Variants in RSU1 observed in about 807,000 individuals in gnomAD.
The protein encoded by RSU1 is Ras suppressor protein 1, also known as rsu-1.
In RSU1, 26 loss-of-function variants were observed where a neutral mutation model predicts 31.1. That is an observed-to-expected ratio of 0.84 (90% confidence interval 0.61 to 1.16). The LOEUF is 1.16. Among genes scored for constraint, RSU1 ranks in the 50% most tolerant of loss-of-function variants. The probability of loss-of-function intolerance (pLI) is 0.00; values close to 1 mark genes in which losing one functional copy is unlikely to be tolerated. For missense variants in RSU1, 320 were observed against 339.1 expected (o/e 0.94, Z 0.44); for synonymous variants, 164 against 136.3 (o/e 1.20, Z -1.41).
At chr10:16,647,164 G>A (rs970088170) in intron 8 of RSU1, among the ~76,000 whole-genome samples, 3 of 152,040 alleles carry the variant, frequency 2.0e-5, no homozygotes, top group Non-Finnish European at 2.9e-5. Flanking sequence ...AGTAGAGATG[G>A]AGTTTCACCA....
intron 5 of RSU1, 126 bp from the exon 6 acceptor site, chr10:16,753,126 G>A: frequency 1.5e-6 from 1 of 646,668 alleles, no homozygotes; most frequent in Non-Finnish European, 2.7e-6. Flanking sequence ...GACATACCTA[G>A]GGCTCCCAAT....
At chr10:16,607,346 C>A (rs1419834752) in intron 8 of RSU1, among the ~76,000 whole-genome samples, 3 of 152,144 alleles carry the variant, frequency 2.0e-5, no homozygotes, top group Non-Finnish European at 4.4e-5. Context: ...TCAGGTATGT[C>A]TTTATAGCAG....
At chr10:16,683,216 G>A (rs1476319736) in intron 8 of RSU1, among the ~76,000 whole-genome samples, 2 of 141,410 alleles carry the variant, frequency 1.4e-5, no homozygotes, top group Non-Finnish European at 1.6e-5. Context: ...GACTTGGAGA[G>A]CCATTTAAAC....
intron 8 of RSU1, among the ~76,000 whole-genome samples, chr10:16,662,129 T>G (rs1446523380): frequency 1.3e-5 from 2 of 152,246 alleles, no homozygotes; most frequent in East Asian, 3.8e-4. Context: ...AGACTGCAAT[T>G]ATAGCTTTTC....
At chr10:16,723,868 G>A (rs1836331304) in intron 7 of RSU1, among the ~76,000 whole-genome samples, 1 of 152,204 alleles carries the variant, frequency 6.6e-6, no homozygotes, top group African/African-American at 2.4e-5. Flanking sequence ...TATTCACCAT[G>A]TTAGTAATCC....
intron 7 of RSU1, chr10:16,722,974 A>G (rs1460993759): frequency 6.6e-6 from 1 of 150,688 alleles, no homozygotes; most frequent in Non-Finnish European, 1.5e-5. Context: ...ACATATATGT[A>G]TATATACACA....
intron 8 of RSU1, among the ~76,000 whole-genome samples, chr10:16,618,802 G>A (rs559375922): frequency 6.6e-6 from 1 of 152,230 alleles, no homozygotes; most frequent in African/African-American, 2.4e-5. Flanking sequence ...CACAGGGAGG[G>A]GAACTCACAC....
chr10:16,791,023 G>A (rs1481828467), intron 2 of RSU1, among the ~76,000 whole-genome samples: 1 of 152,148 alleles, frequency 6.6e-6, no homozygotes, highest in Non-Finnish European at 1.5e-5. Context: ...TAACATGGAA[G>A]GAGTGGTCAG....
At chr10:16,610,814 ACTGGTGC>A (rs1371917531) in intron 8 of RSU1, among the ~76,000 whole-genome samples, 1 of 152,152 alleles carries the variant, frequency 6.6e-6, no homozygotes, top group Non-Finnish European at 1.5e-5. Context: ...CTTCTACAAA[ACTGGTGC>A]CTGGTGCCAA....
At chr10:16,724,362 T>C (rs1321291636) in intron 7 of RSU1, among the ~76,000 whole-genome samples, 1 of 152,212 alleles carries the variant, frequency 6.6e-6, no homozygotes, top group African/African-American at 2.4e-5. Flanking sequence ...TAAATGGTTA[T>C]TACTCCAACA....
intron 8 of RSU1, among the ~76,000 whole-genome samples, chr10:16,595,371 G>A (rs552880634): frequency 2.6e-4 from 40 of 152,288 alleles, no homozygotes; most frequent in African/African-American, 9.1e-4. Context: ...AGTCTTCCAA[G>A]TGTTGCCTTG....
rs760320623 is a variant in RSU1 at position 16,764,555 on chromosome 10, C to T, written c.161-45G>A. On this transcript the variant is annotated intron_variant, in intron 3 of 8. Coordinates refer to ENST00000345264, the MANE Select transcript of RSU1 (RefSeq NM_012425.4). ...GAGTGTGAATCTGGGAATGGAACTC[C>T]TAGCAAGGGATGGCAGCGGCACATT... 1.9e-6 allele frequency: 3 copies of T among 1,586,482 alleles called. No individual in the cohort carries two copies. The South Asian group carries it at 3.4e-5, about 18-fold the overall frequency.
chr10:16,807,168 G>A (rs867295051), intron 2 of RSU1, among the ~76,000 whole-genome samples: 3 of 152,150 alleles, frequency 2.0e-5, no homozygotes, highest in Admixed American at 6.5e-5. Flanking sequence ...ACCGTTCTCC[G>A]GTCTGCACTG....
intron 7 of RSU1, among the ~76,000 whole-genome samples, chr10:16,731,429 C>CAAA (rs61458512): frequency 2.1e-5 from 2 of 95,540 alleles, no homozygotes; most frequent in African/African-American, 6.5e-5. Context: ...CACTCCGTCT[C>CAAA]AAAAAAAAAA....
chr10:16,807,172 T>C (rs1179229042), intron 2 of RSU1, among the ~76,000 whole-genome samples: 4 of 152,256 alleles, frequency 2.6e-5, no homozygotes, highest in African/African-American at 9.6e-5. Flanking sequence ...TTCTCCGGTC[T>C]GCACTGTGTC....
intron 8 of RSU1, among the ~76,000 whole-genome samples, chr10:16,621,808 G>A (rs1282501350): frequency 6.6e-6 from 1 of 152,186 alleles, no homozygotes; most frequent in African/African-American, 2.4e-5. Flanking sequence ...GACACATGGG[G>A]ATTATGGGAG....
intron 8 of RSU1, among the ~76,000 whole-genome samples, chr10:16,603,269 T>TA: frequency 6.6e-6 from 1 of 152,326 alleles, no homozygotes; most frequent in Non-Finnish European, 1.5e-5. Flanking sequence ...TAGGCTATAA[T>TA]ATATAAGGCA....
intron 8 of RSU1, 40 bp from the exon 9 acceptor site, chr10:16,593,536 C>CCAACA: frequency 6.7e-7 from 1 of 1,489,454 alleles, no homozygotes; most frequent in South Asian, 1.1e-5. Context: ...ATCTATTTTG[C>CCAACA]CAACACAAGA....
intron 7 of RSU1, among the ~76,000 whole-genome samples, chr10:16,736,299 C>T (rs1050011901): frequency 6.6e-6 from 1 of 152,118 alleles, no homozygotes; most frequent in African/African-American, 2.4e-5. Flanking sequence ...AGACCAATTA[C>T]AAGGAAGATA....
Sources: gnomAD v4.1 joint callset for allele counts (sites outside exome capture counted in the v4.1 genomes callset) on GRCh38, gnomAD v4.1.1 for gene constraint, MANE v1.5 for transcripts, NCBI Gene and HGNC (gene_info 2026-07-23, HGNC 2026-07-21) for gene names.